Variants in TBL1X observed in about 807,000 individuals in gnomAD.
TBL1X encodes the protein F-box-like/WD repeat-containing protein TBL1X.
Under a neutral mutation model 50.7 loss-of-function variants are expected in TBL1X, and 10 were observed. The ratio of observed to expected loss-of-function variants is 0.20; its 90% CI spans 0.12 to 0.33. The LOEUF is 0.33. Ranked by LOEUF, TBL1X falls within the 10% of genes least tolerant of loss-of-function variation. The probability of loss-of-function intolerance (pLI) is 1.00; values close to 1 mark genes in which losing one functional copy is unlikely to be tolerated. For synonymous variants in TBL1X, 190 were observed against 214.7 expected (o/e 0.88, Z 1.01); for missense variants, 340 against 504.4 (o/e 0.67, Z 3.12).
At chrX:9,688,810 A>G (rs895343367) in intron 7 of TBL1X, among the ~76,000 whole-genome samples, 7 of 113,247 alleles carry the variant, frequency 6.2e-5, no homozygotes, top group Non-Finnish European at 1.9e-5. Context: ...CCACTTAGAC[A>G]TACTGCTCTA....
intron 2 of TBL1X, among the ~76,000 whole-genome samples, chrX:9,601,936 C>T (rs1219584624): frequency 9.0e-6 from 1 of 110,995 alleles, no homozygotes; most frequent in Non-Finnish European, 1.9e-5. Flanking sequence ...CCCAGCTACT[C>T]GGGAGGCTGA....
intron 1 of TBL1X, among the ~76,000 whole-genome samples, chrX:9,486,047 C>T (rs1370827241): frequency 1.8e-5 from 2 of 110,507 alleles, no homozygotes; most frequent in African/African-American, 6.6e-5. Flanking sequence ...TTTGAACATG[C>T]TTCATTATGC....
intron 2 of TBL1X, among the ~76,000 whole-genome samples, chrX:9,557,369 T>C (rs1164776375): frequency 8.9e-6 from 1 of 111,858 alleles, no homozygotes; most frequent in Admixed American, 9.5e-5. Flanking sequence ...TTTGTGGATT[T>C]GCAGGGGAAA....
intron 2 of TBL1X, among the ~76,000 whole-genome samples, chrX:9,583,125 G>A (rs985114678): frequency 1.8e-5 from 2 of 112,695 alleles, no homozygotes; most frequent in African/African-American, 6.4e-5. Flanking sequence ...GAGGAGGTCA[G>A]CAGGGTGGTC....
chrX:9,683,786 C>T (rs990673976), intron 5 of TBL1X, among the ~76,000 whole-genome samples: 3 of 111,209 alleles, frequency 2.7e-5, no homozygotes, highest in East Asian at 2.8e-4. Flanking sequence ...AACACTGAAA[C>T]GGTTCTACCA....
intron 2 of TBL1X, among the ~76,000 whole-genome samples, chrX:9,618,171 G>C (rs935302325): frequency 1.8e-5 from 2 of 111,664 alleles, no homozygotes; most frequent in Non-Finnish European, 3.8e-5. Flanking sequence ...CGTCTGACAT[G>C]TAAAGACACC....
At chrX:9,626,835 G>A (rs2082695284) in intron 2 of TBL1X, among the ~76,000 whole-genome samples, 1 of 112,241 alleles carries the variant, frequency 8.9e-6, no homozygotes, top group Middle Eastern at 4.6e-3. Context: ...TTAGTTATCA[G>A]TGTCGCATAT....
chrX:9,502,000 C>T (rs1272048123), intron 2 of TBL1X, among the ~76,000 whole-genome samples, 151 bp downstream of exon 2: 2 of 112,171 alleles, frequency 1.8e-5, no homozygotes, highest in Non-Finnish European at 3.8e-5. Flanking sequence ...TTTGCAATTT[C>T]CAGTATGGTA....
chrX:9,659,115 C>A (rs1257905311), intron 5 of TBL1X, among the ~76,000 whole-genome samples: 1 of 111,951 alleles, frequency 8.9e-6, no homozygotes, highest in African/African-American at 3.2e-5. Flanking sequence ...TGAGCCACTG[C>A]GTTACCTGGC....
At chrX:9,517,318 A>G (rs1004048589) in intron 2 of TBL1X, among the ~76,000 whole-genome samples, 1 of 111,183 alleles carries the variant, frequency 9.0e-6, no homozygotes, top group Admixed American at 9.6e-5. Flanking sequence ...ACACCTGTGC[A>G]TTCTCAGTGC....
rs906323236 is a variant in TBL1X at position 9,716,151 on chromosome X, C to T, written c.1708-69C>T. 1.7e-5 allele frequency: 20 copies of T among 1,148,125 alleles called. No homozygotes were observed. In the East Asian group the frequency reaches 2.7e-4, roughly 16 times the overall value. The allele number at this position is 1,148,125 out of a possible 1,213,427, so 94.6% of individuals were successfully genotyped here. On this transcript the variant is annotated intron_variant, in intron 17 of 17. Coordinates refer to ENST00000645353, the MANE Select transcript of TBL1X (RefSeq NM_005647.4). ...ATTGGGCGTGGGGGCCGTAGCTTGC[C>T]GACTTCTCACTCTAAAGGCATCTTT...
chrX:9,589,196 C>T (rs1429386654), intron 2 of TBL1X, among the ~76,000 whole-genome samples: 1 of 111,702 alleles, frequency 9.0e-6, no homozygotes, highest in East Asian at 2.8e-4. Context: ...TATCATTATA[C>T]TATATTAGTT....
chrX:9,701,797 G>C (rs1390491763), intron 12 of TBL1X, among the ~76,000 whole-genome samples: 1 of 111,067 alleles, frequency 9.0e-6, no homozygotes, highest in Non-Finnish European at 1.9e-5. Context: ...GAAATGCAGA[G>C]GCTGGACCAG....
chrX:9,468,596 G>A (rs1042830381), intron 1 of TBL1X, among the ~76,000 whole-genome samples: 4 of 111,208 alleles, frequency 3.6e-5, no homozygotes, highest in African/African-American at 1.3e-4. Context: ...CTGGGCTCCC[G>A]CTGAACTTGG....
At chrX:9,504,567 G>A (rs1056137711) in intron 2 of TBL1X, among the ~76,000 whole-genome samples, 4 of 112,063 alleles carry the variant, frequency 3.6e-5, no homozygotes, top group African/African-American at 1.3e-4. Flanking sequence ...AAGGTTAGAG[G>A]AATTGCTAAC....
chrX:9,700,976 C>T (rs2083167280), intron 12 of TBL1X, among the ~76,000 whole-genome samples: 1 of 110,770 alleles, frequency 9.0e-6, no homozygotes, highest in Non-Finnish European at 1.9e-5. Context: ...TGGGACCCGT[C>T]AGTGCTGTGG....
chrX:9,512,633 G>A (rs2082061718), intron 2 of TBL1X, among the ~76,000 whole-genome samples: 1 of 110,496 alleles, frequency 9.1e-6, no homozygotes, highest in Admixed American at 9.6e-5. Context: ...TAGTAGCTGG[G>A]ACTACAGGCA....
chrX:9,688,194 T>A lies in TBL1X; in HGVS notation c.535T>A (p.Ser179Thr). Residue 179 changes from serine (S) to threonine (T), a missense_variant, in exon 7 of 18, where the codon TCA (serine) becomes ACA (threonine). Physicochemically the swap from Ser to Thr is moderately conservative, Grantham distance 58 (BLOSUM62 1). Transcript: ENST00000645353. ...AGCAGCGACAGCAGCCACCACGACC[T>A]CAGCCGGCGTTTCCCACCAAAATCC... ...TAAATAATTTSAGVSHQNPSK... is the reference protein window; with the variant it reads ...TAAATAATTTTAGVSHQNPSK... 1 of 1,197,305 alleles carries A rather than the reference T, an allele frequency of 8.4e-7. No individual in the cohort carries two copies. The highest frequency in any genetic ancestry group is 1.8e-5 in the South Asian group (1 of 54,980).
At chrX:9,504,571 T>C (rs760156511) in intron 2 of TBL1X, among the ~76,000 whole-genome samples, 13 of 112,064 alleles carry the variant, frequency 1.2e-4, no homozygotes, top group Non-Finnish European at 1.9e-5. Context: ...TTAGAGGAAT[T>C]GCTAACTAGA....
Sources: allele counts gnomAD v4.1 joint callset (sites outside exome capture counted in the v4.1 genomes callset), GRCh38; gene constraint gnomAD v4.1.1; transcripts MANE v1.5; gene names NCBI Gene and HGNC (gene_info 2026-07-23, HGNC 2026-07-21).